Variants in PI4K2B observed in about 807,000 individuals in gnomAD.
PI4K2B encodes the protein phosphatidylinositol 4-kinase type 2 beta.
PI4K2B carries 46 observed loss-of-function variants against 56.6 expected under a neutral mutation model. The observed-to-expected ratio is 0.81, with a 90% confidence interval of 0.64 to 1.04. The LOEUF is 1.04. Ranked by LOEUF, PI4K2B falls within the 50% of genes least tolerant of loss-of-function variation. The probability of loss-of-function intolerance (pLI) is 0.00; values close to 1 mark genes in which losing one functional copy is unlikely to be tolerated. For synonymous variants in PI4K2B, 211 were observed against 223.8 expected, an observed-to-expected ratio of 0.94 and a Z score of 0.51; for missense variants, 556 against 607.7, an observed-to-expected ratio of 0.91 and a Z score of 0.89.
intron 1 of PI4K2B, among the ~76,000 whole-genome samples, chr4:25,251,868 G>T (rs1417557844): frequency 5.9e-5 from 9 of 151,948 alleles, no homozygotes; most frequent in African/African-American, 2.2e-4. Flanking sequence ...TTATTGCCCA[G>T]GCTGGAGTGC....
Position 25,255,094 on chromosome 4 carries a change from A to G in PI4K2B, c.453A>G (p.Ser151=). The G allele has an allele frequency of 6.2e-7, 1 of 1,613,850 alleles. No individual in the cohort carries two copies. The highest frequency in any genetic ancestry group is 8.5e-7 in the Non-Finnish European group (1 of 1,179,758). ...TTATTGGTGTGTTTAAACCCAAATC[A>G]GAAGAGCCTTATGGTCAACTCAATC... ...RKIIGVFKPK[S]EEPYGQLNPK... Residue 151 remains serine, a synonymous_variant, in exon 3 of 10, where the codon TCA becomes TCG. Coordinates refer to ENST00000264864, the MANE Select transcript of PI4K2B (RefSeq NM_018323.4).
At chr4:25,239,431 G>A (rs558048375) in intron 1 of PI4K2B, among the ~76,000 whole-genome samples, 3 of 61,514 alleles carry the variant, frequency 4.9e-5, no homozygotes, top group Non-Finnish European at 1.4e-4. Flanking sequence ...GCACGGTGCC[G>A]GCCCAGGGGG....
chr4:25,236,028 G>A (rs1396107231), intron 1 of PI4K2B, among the ~76,000 whole-genome samples: 2 of 152,038 alleles, frequency 1.3e-5, no homozygotes, highest in Non-Finnish European at 2.9e-5. Context: ...AATTCAAAGT[G>A]AGGATAGAGT....
chr4:25,274,860 A>G (rs1336815149), intron 9 of PI4K2B, among the ~76,000 whole-genome samples: 2 of 152,088 alleles, frequency 1.3e-5, no homozygotes, highest in Non-Finnish European at 2.9e-5. Context: ...CAGTGGCGCG[A>G]TCTCAGCTCA....
chr4:25,274,891 G>C (rs1009733871), intron 9 of PI4K2B, among the ~76,000 whole-genome samples: 1 of 152,154 alleles, frequency 6.6e-6, no homozygotes, highest in Non-Finnish European at 1.5e-5. Context: ...TGCCACCCAG[G>C]TTCAAGCGAT....
At chr4:25,236,784 A>G (rs1394483220) in intron 1 of PI4K2B, among the ~76,000 whole-genome samples, 2 of 152,210 alleles carry the variant, frequency 1.3e-5, no homozygotes, top group Non-Finnish European at 2.9e-5. Context: ...CACAAGTGTT[A>G]TAAAATAATT....
At chr4:25,250,005 G>A (rs1031636992) in intron 1 of PI4K2B, among the ~76,000 whole-genome samples, 8 of 152,212 alleles carry the variant, frequency 5.3e-5, no homozygotes, top group Non-Finnish European at 1.0e-4. Flanking sequence ...ATCACTCACG[G>A]TCAGGAACTG....
Position 25,279,032 on chromosome 4 carries a change from GTATATT to G in PI4K2B, c.*1850_*1855del, listed in dbSNP as rs1717208498. The G allele has an allele frequency of 6.6e-6, 1 of 150,990 alleles. No homozygotes were observed. Among genetic ancestry groups the G allele is most frequent in the South Asian group, 2.1e-4 (1 of 4,788 alleles). The allele number at this position is 150,990 out of a possible 1,614,324, so 9.4% of individuals were successfully genotyped here. ...AAATAGTATGGTTTTTTTTCAATAA[GTATATT>G]TATAGTGACAAATGTGGTAGACTAA... On this transcript the variant is annotated 3_prime_UTR_variant, in exon 10 of 10. Transcript: ENST00000264864.
At chr4:25,242,915 C>T (rs568270000) in intron 1 of PI4K2B, among the ~76,000 whole-genome samples, 1 of 152,298 alleles carries the variant, frequency 6.6e-6, no homozygotes, top group East Asian at 1.9e-4. Flanking sequence ...ACAGCTCCAG[C>T]CTTGGCTAAT....
At chr4:25,274,543 A>G (rs1366445526) in intron 9 of PI4K2B, among the ~76,000 whole-genome samples, 1 of 152,098 alleles carries the variant, frequency 6.6e-6, no homozygotes, top group East Asian at 1.9e-4. Context: ...AAGTATTGCA[A>G]TTACTTGTTC....
intron 5 of PI4K2B, among the ~76,000 whole-genome samples, chr4:25,259,994 G>A (rs376948040): frequency 3.1e-4 from 47 of 152,278 alleles, no homozygotes; most frequent in African/African-American, 1.1e-3. Context: ...GTACCCTCCA[G>A]GTAATTCTGA....
intron 1 of PI4K2B, among the ~76,000 whole-genome samples, chr4:25,235,723 G>A (rs574312659): frequency 6.6e-6 from 1 of 152,300 alleles, no homozygotes; most frequent in African/African-American, 2.4e-5. Context: ...TAGCTAGCTT[G>A]CCTTTTTCTG....
rs755693512 is a variant in PI4K2B, at chr4:25,259,018, A to G, written c.757-19A>G. On this transcript the variant is annotated intron_variant, in intron 4 of 9. Coordinates refer to ENST00000264864, the MANE Select transcript of PI4K2B (RefSeq NM_018323.4). ...TGTTCTTGTACTTTCTTTTCTAACT[A>G]TAGTTCTTAAAATTATAGATTGGTT... 4 of 1,337,302 alleles carry G rather than the reference A, an allele frequency of 3.0e-6. No individual in the cohort carries two copies. Among genetic ancestry groups the G allele is most frequent in the African/African-American group, 1.5e-5 (1 of 68,292 alleles). 82.8% of individuals were successfully genotyped at this position (1,337,302 alleles called of 1,614,324 possible). A position where few individuals can be genotyped will look rare whatever the true frequency, so the allele number is the denominator to read the frequency against.
intron 9 of PI4K2B, among the ~76,000 whole-genome samples, chr4:25,273,033 C>G (rs955720578): frequency 5.3e-5 from 8 of 152,210 alleles, no homozygotes; most frequent in African/African-American, 1.9e-4. Context: ...ACAGCCAAGT[C>G]TTTTGCCCTA....
intron 5 of PI4K2B, 131 bp from the exon 6 acceptor site, chr4:25,260,393 G>T (rs1221596462): frequency 1.3e-4 from 45 of 356,048 alleles, no homozygotes; most frequent in African/African-American, 6.0e-4. Flanking sequence ...GTGTTAAATT[G>T]TGACCTTTAA....
At chr4:25,271,615 CTT>C (rs1280851156) in intron 9 of PI4K2B, among the ~76,000 whole-genome samples, 1 of 152,124 alleles carries the variant, frequency 6.6e-6, no homozygotes, top group Non-Finnish European at 1.5e-5. Context: ...CATCCCAAAA[CTT>C]ATTTGAGCTA....
intron 9 of PI4K2B, among the ~76,000 whole-genome samples, chr4:25,272,528 G>A (rs527989139): frequency 6.6e-6 from 1 of 152,182 alleles, no homozygotes; most frequent in East Asian, 1.9e-4. Context: ...AAGGCCAGGT[G>A]TGGTGGCTCA....
Position 25,256,632 on chromosome 4 carries a change from A to G in PI4K2B, c.714A>G (p.Pro238=), listed in dbSNP as rs1290364848. 2 of 1,613,842 alleles carry G rather than the reference A, an allele frequency of 1.2e-6. No homozygotes were observed. Among genetic ancestry groups the G allele is most frequent in the Non-Finnish European group, 1.7e-6 (2 of 1,179,910 alleles). The part of the protein sequence containing the change: ...RGKKYALEKV[P]KVGRKFHRIG... ...AAAAGTATGCTTTAGAAAAAGTGCC[A>G]AAAGTGGGTAGAAAGTTTCATAGGA... Residue 238 remains proline (P), a synonymous_variant, in exon 4 of 10, where the codon CCA becomes CCG. Coordinates refer to ENST00000264864, the MANE Select transcript of PI4K2B (RefSeq NM_018323.4).
In PI4K2B at chr4:25,258,960, A is replaced by T. The variant is rs78650078; in HGVS notation, c.757-77A>T. On this transcript the variant is annotated intron_variant, in intron 4 of 9. Transcript: ENST00000264864. ...GTGTTTACATGACATATTTTTTGACAGTACTGCTGAGAAATATAAATATTA... is the reference window on the plus strand; with the variant it reads ...GTGTTTACATGACATATTTTTTGACTGTACTGCTGAGAAATATAAATATTA... 3.8e-3 allele frequency: 2,518 copies of T among 658,680 alleles called. 58 individuals carry two copies. In the African/African-American group the frequency reaches 0.042, roughly 11 times the overall value. 40.8% of individuals were successfully genotyped at this position (658,680 alleles called of 1,614,324 possible).
Sources: allele counts gnomAD v4.1 joint callset (sites outside exome capture counted in the v4.1 genomes callset), GRCh38; gene constraint gnomAD v4.1.1; transcripts MANE v1.5; gene names NCBI Gene and HGNC (gene_info 2026-07-23, HGNC 2026-07-21).